ANKRD33B: variants seen among roughly 807,000 people sequenced by gnomAD.
The protein encoded by ANKRD33B is ankyrin repeat domain-containing protein 33B.
Under a neutral mutation model 21.5 loss-of-function variants are expected in ANKRD33B, and 6 were observed. The observed-to-expected ratio is 0.28, with a 90% CI of 0.15 to 0.55. The LOEUF is 0.55. ANKRD33B is among the 20% of genes least tolerant of loss of function. The pLI, the probability that ANKRD33B is intolerant of heterozygous loss-of-function variation, is 0.94. For missense variants in ANKRD33B, 698 were observed against 747.2 expected (o/e 0.93, Z 0.77); for synonymous variants, 347 against 342.4 (o/e 1.01, Z -0.15).
At chr5:10,646,086 G>A (rs1182314220) in intron 3 of ANKRD33B, among the ~76,000 whole-genome samples, 1 of 152,200 alleles carries the variant, frequency 6.6e-6, no homozygotes, top group Admixed American at 6.5e-5. Context: ...TAGACTGATC[G>A]TGATGCATTG....
At chr5:10,599,476 C>T (rs1200724845) in intron 1 of ANKRD33B, among the ~76,000 whole-genome samples, 2 of 152,086 alleles carry the variant, frequency 1.3e-5, no homozygotes, top group African/African-American at 4.8e-5. Flanking sequence ...CCCCCCAGTC[C>T]CTCTTCCTCC....
At chr5:10,599,613 C>T (rs1419981541) in intron 1 of ANKRD33B, among the ~76,000 whole-genome samples, 1 of 152,132 alleles carries the variant, frequency 6.6e-6, no homozygotes, top group Non-Finnish European at 1.5e-5. Context: ...TGGGTAATAT[C>T]ACTTAGCATG....
intron 1 of ANKRD33B, among the ~76,000 whole-genome samples, chr5:10,584,565 AG>A (rs1311110155): frequency 1.3e-5 from 2 of 152,212 alleles, no homozygotes; most frequent in Non-Finnish European, 2.9e-5. Flanking sequence ...TAAAAAAAAA[AG>A]AAATGTCACA....
At chr5:10,616,836 A>G (rs1434273620) in intron 1 of ANKRD33B, among the ~76,000 whole-genome samples, 1 of 152,266 alleles carries the variant, frequency 6.6e-6, no homozygotes, top group Non-Finnish European at 1.5e-5. Context: ...ACAAAGCACC[A>G]TAGACTGGGT....
intron 1 of ANKRD33B, among the ~76,000 whole-genome samples, chr5:10,609,633 G>T (rs999308887): frequency 4.6e-5 from 7 of 152,184 alleles, no homozygotes. Context: ...ACTGGGCTAG[G>T]TGCTGTGGCT....
chr5:10,649,590 C>T lies in ANKRD33B; in HGVS notation c.962C>T (p.Ala321Val). 6.5e-7 allele frequency: 1 copy of T among 1,528,566 alleles called. No homozygotes were observed. Among genetic ancestry groups the T allele is most frequent in the Non-Finnish European group, 8.8e-7 (1 of 1,142,774 alleles). 94.7% of individuals were successfully genotyped at this position (1,528,566 alleles called of 1,614,324 possible). Residue 321 changes from alanine to valine, a missense_variant, in exon 4 of 4, where the codon GCC becomes GTC. Ala to Val is a moderately conservative substitution (Grantham distance 64, BLOSUM62 0). This residue lies in a region of ANKRD33B where 543 missense variants were observed against 566.5 expected (regional missense o/e 0.96). Transcript: ENST00000296657. ...MTTSLYSPAV[A>V]IVCQTVCPES... Reference sequence around the variant, plus strand: ...ACGAGCCTCTACAGCCCCGCCGTGGCCATCGTGTGCCAGACCGTGTGCCCT... The same window carrying T: ...ACGAGCCTCTACAGCCCCGCCGTGGTCATCGTGTGCCAGACCGTGTGCCCT...
At chr5:10,631,399 G>A (rs1028191593) in intron 2 of ANKRD33B, among the ~76,000 whole-genome samples, 2 of 152,226 alleles carry the variant, frequency 1.3e-5, no homozygotes, top group African/African-American at 4.8e-5. Flanking sequence ...GAGGAGCAGG[G>A]ATAAGCCTCC....
chr5:10,610,349 T>G (rs903884612), intron 1 of ANKRD33B, among the ~76,000 whole-genome samples: 5 of 152,040 alleles, frequency 3.3e-5, no homozygotes. Flanking sequence ...GGGTAGGAGA[T>G]GCTCCTGACG....
Position 10,649,933 on chromosome 5 carries a change from C to T in ANKRD33B, c.1305C>T (p.Thr435=), listed in dbSNP as rs1279302904. 1 of 1,526,924 alleles carries T rather than the reference C, an allele frequency of 6.5e-7. No homozygotes were observed. The highest frequency in any genetic ancestry group is 8.8e-7 in the Non-Finnish European group (1 of 1,142,612). 94.6% of individuals were successfully genotyped at this position (1,526,924 alleles called of 1,614,324 possible). Residue 435 remains threonine, a synonymous_variant, in exon 4 of 4, where the codon ACC becomes ACT. Coordinates refer to ENST00000296657, the MANE Select transcript of ANKRD33B (RefSeq NM_001164440.2). ...RVRVSKAPAP[T]FQPERPARKG... is the part of the protein sequence containing the mutation. ...GAGTCAGCAAGGCGCCCGCGCCCAC[C>T]TTCCAGCCCGAGCGGCCGGCGCGGA...
At chr5:10,569,036 A>G (rs1560958408) in intron 1 of ANKRD33B, among the ~76,000 whole-genome samples, 1 of 152,108 alleles carries the variant, frequency 6.6e-6, no homozygotes, top group Non-Finnish European at 1.5e-5. Flanking sequence ...GTATGTGAGA[A>G]AGTTTTTATT....
rs570302755 is a variant in ANKRD33B, at chr5:10,640,162, T to G, written c.637+1994T>G. Among the ~76,000 whole-genome samples the G allele has an allele frequency of 5.3e-5, 8 of 150,056 alleles. No homozygotes were observed. In the South Asian group the frequency reaches 1.7e-3, roughly 32 times the overall value. On this transcript the variant is annotated intron_variant, in intron 3 of 3. Transcript: ENST00000296657. ...GTTGTGTGGTGATGTTAGCGGGTGA[T>G]GTGGAGTTGCGTGGTAATGTTAGGA...
At position 10,595,165 on chromosome 5, in the gene ANKRD33B, G is replaced by T. The variant is rs1316251949; in HGVS notation, c.367-23168G>T. ...TGCTGTGTTGGGGCCAGACCGGAGG[G>T]TTACATCCTGAGCAGGAGAGGAGGG... On this transcript the variant is annotated intron_variant, in intron 1 of 3. Coordinates refer to ENST00000296657, the MANE Select transcript of ANKRD33B (RefSeq NM_001164440.2). Among the ~76,000 whole-genome samples, 4 of 152,144 alleles carry T rather than the reference G, an allele frequency of 2.6e-5. No individual in the cohort carries two copies. The South Asian group carries it at 6.2e-4, about 24-fold the overall frequency.
rs908320174 is a variant in ANKRD33B at position 10,564,347 on chromosome 5, A to C, written c.-121A>C. The C allele has an allele frequency of 7.3e-6, 5 of 680,360 alleles. No individual in the cohort carries two copies. In the African/African-American group the frequency reaches 9.8e-5, roughly 13 times the overall value. The allele number at this position is 680,360 out of a possible 1,614,324, so 42.1% of individuals were successfully genotyped here. ...CTGGTGCCGGTTTCCGCCGAGCTGGAGCGCGCGGGCCACGGCTTCTCTGGG... is the reference window on the plus strand; with the variant it reads ...CTGGTGCCGGTTTCCGCCGAGCTGGCGCGCGCGGGCCACGGCTTCTCTGGG... On this transcript the variant is annotated 5_prime_UTR_variant, in exon 1 of 4. Transcript: ENST00000296657.
rs1030932022 is a variant in ANKRD33B at position 10,585,950 on chromosome 5, G to A, written c.366+21117G>A. On this transcript the variant is annotated intron_variant, in intron 1 of 3. Coordinates refer to ENST00000296657, the MANE Select transcript of ANKRD33B (RefSeq NM_001164440.2). ...ATGGCTTCCCTGTGCCAGGCTTTCC[G>A]CAGGAGACTGGAGGCCAAGACAAGT... Among the ~76,000 whole-genome samples, 253 of 152,174 alleles carry A rather than the reference G, an allele frequency of 1.7e-3. 1 individual carries two copies. Among genetic ancestry groups the A allele is most frequent in the Non-Finnish European group, 4.4e-4 (30 of 68,016 alleles).
chr5:10,643,666 A>C (rs1737116654), intron 3 of ANKRD33B, among the ~76,000 whole-genome samples: 1 of 151,980 alleles, frequency 6.6e-6, no homozygotes, highest in Admixed American at 6.6e-5. Context: ...AAATACAAAA[A>C]AAATTTAGCC....
chr5:10,599,227 A>G (rs1735880201), intron 1 of ANKRD33B, among the ~76,000 whole-genome samples: 1 of 151,492 alleles, frequency 6.6e-6, no homozygotes, highest in Non-Finnish European at 1.5e-5. Context: ...TGTTGTGTGT[A>G]CCACTAGGTT....
At chr5:10,587,835 A>G (rs1735601065) in intron 1 of ANKRD33B, among the ~76,000 whole-genome samples, 1 of 152,196 alleles carries the variant, frequency 6.6e-6, no homozygotes, top group South Asian at 2.1e-4. Flanking sequence ...TGCATATATC[A>G]TAGTTTATTC....
chr5:10,625,291 G>C (rs1736519690), intron 2 of ANKRD33B: 1 of 157,902 alleles, frequency 6.3e-6, no homozygotes, highest in Non-Finnish European at 1.4e-5. Flanking sequence ...GACTACAAAA[G>C]TATTATCAGG....
intron 1 of ANKRD33B, among the ~76,000 whole-genome samples, chr5:10,590,171 C>T (rs191380802): frequency 5.5e-4 from 83 of 152,242 alleles, no homozygotes; most frequent in African/African-American, 1.9e-3. Flanking sequence ...AAAGCTTGAT[C>T]GTTCTAATTT....
Sources: allele counts gnomAD v4.1 joint callset (sites outside exome capture counted in the v4.1 genomes callset), GRCh38; gene constraint gnomAD v4.1.1; regional missense constraint gnomAD v4.1.1; transcripts MANE v1.5; gene names NCBI Gene and HGNC (gene_info 2026-07-23, HGNC 2026-07-21).